Variants in TRIM37 observed in about 807,000 individuals in gnomAD.
The protein encoded by TRIM37 is E3 ubiquitin-protein ligase TRIM37.
TRIM37 carries 80 observed loss-of-function variants against 129.8 expected under a neutral mutation model. That is an observed-to-expected ratio of 0.62 (90% confidence interval 0.51 to 0.74). TRIM37 has a LOEUF of 0.74. Ranked by LOEUF, TRIM37 falls within the 30% of genes least tolerant of loss-of-function variation. The pLI is 0.00. For synonymous variants in TRIM37, 389 were observed against 387.1 expected (o/e 1.00, Z -0.06); for missense variants, 1,054 against 1,176.5 (o/e 0.90, Z 1.52).
At chr17:59,032,502 G>A (rs543190218) in intron 17 of TRIM37, among the ~76,000 whole-genome samples, 3 of 144,998 alleles carry the variant, frequency 2.1e-5, no homozygotes, top group East Asian at 2.0e-4. Context: ...TCCGCAGTCC[G>A]GCCTGGGCGA....
chr17:59,047,613 T>C (rs1328122524), intron 16 of TRIM37, 70 bp downstream of exon 16: 25 of 1,474,576 alleles, frequency 1.7e-5, no homozygotes, highest in Non-Finnish European at 2.1e-5. Flanking sequence ...TACATTTAAG[T>C]GTGAGTTAGT....
intron 19 of TRIM37, among the ~76,000 whole-genome samples, chr17:59,019,488 G>A (rs964344579): frequency 3.3e-5 from 5 of 151,948 alleles, no homozygotes; most frequent in East Asian, 1.9e-4. Context: ...GGTGGGTGGC[G>A]CATGAGGTCA....
At chr17:59,041,579 G>A (rs2039157094) in intron 17 of TRIM37, among the ~76,000 whole-genome samples, 1 of 152,076 alleles carries the variant, frequency 6.6e-6, no homozygotes, top group Non-Finnish European at 1.5e-5. Flanking sequence ...ATTAATATAA[G>A]GTACTTAAAG....
intron 2 of TRIM37, among the ~76,000 whole-genome samples, chr17:59,092,612 A>G (rs1168854120): frequency 6.6e-6 from 1 of 152,120 alleles, no homozygotes; most frequent in Non-Finnish European, 1.5e-5. Context: ...AGGAAACAAC[A>G]GGTTTATAAT....
At chr17:59,006,672 C>T (rs1426011998) in intron 22 of TRIM37, among the ~76,000 whole-genome samples, 4 of 151,988 alleles carry the variant, frequency 2.6e-5, no homozygotes, top group East Asian at 3.9e-4. Flanking sequence ...GCAGATTGCC[C>T]GAGGTCAGGA....
chr17:59,079,670 G>C, intron 7 of TRIM37, 84 bp downstream of exon 7: 8 of 1,547,750 alleles, frequency 5.2e-6, no homozygotes, highest in Non-Finnish European at 7.1e-6. Context: ...TTCCTTCCTA[G>C]GATGATCACC....
chr17:59,084,550 G>A (rs898868958), intron 4 of TRIM37, among the ~76,000 whole-genome samples: 4 of 152,132 alleles, frequency 2.6e-5, no homozygotes, highest in Admixed American at 2.0e-4. Flanking sequence ...CATGGAAAAT[G>A]AACAACTCAA....
intron 16 of TRIM37, among the ~76,000 whole-genome samples, chr17:59,046,170 A>G (rs1473387483): frequency 6.6e-6 from 1 of 152,216 alleles, no homozygotes; most frequent in Non-Finnish European, 1.5e-5. Flanking sequence ...AACCTTTTTC[A>G]GGCAACACTC....
intron 2 of TRIM37, among the ~76,000 whole-genome samples, chr17:59,095,699 A>G (rs1362343009): frequency 2.0e-5 from 3 of 152,146 alleles, no homozygotes; most frequent in African/African-American, 7.2e-5. Context: ...TATACATACA[A>G]AAACATGCTA....
At chr17:59,052,680 C>T (rs1363884193) in intron 13 of TRIM37, among the ~76,000 whole-genome samples, 1 of 152,016 alleles carries the variant, frequency 6.6e-6, no homozygotes, top group Admixed American at 6.6e-5. Flanking sequence ...ATTGGCCGGG[C>T]ACAGTGGCTC....
At chr17:59,021,158 G>A (rs1016874416) in intron 19 of TRIM37, among the ~76,000 whole-genome samples, 6 of 152,148 alleles carry the variant, frequency 3.9e-5, no homozygotes, top group Non-Finnish European at 7.3e-5. Context: ...TTGTAAGCCC[G>A]ACTCAAGTGG....
chr17:58,978,542 C>T (rs2031165497), downstream of TRIM37, among the ~76,000 whole-genome samples: 1 of 152,090 alleles, frequency 6.6e-6, no homozygotes, highest in Admixed American at 6.5e-5. Flanking sequence ...GAAACCCCGT[C>T]TCTAATAAAA....
chr17:59,099,026 T>C (rs142572798), intron 2 of TRIM37, among the ~76,000 whole-genome samples: 4 of 151,982 alleles, frequency 2.6e-5, no homozygotes, highest in African/African-American at 9.6e-5. Flanking sequence ...CTACTAAAAA[T>C]ACAAAAATTA....
At chr17:59,002,305 G>A (rs1475872395) in intron 22 of TRIM37, among the ~76,000 whole-genome samples, 1 of 152,080 alleles carries the variant, frequency 6.6e-6, no homozygotes, top group Non-Finnish European at 1.5e-5. Context: ...CCTGATCATA[G>A]CTCACTGCAG....
intron 2 of TRIM37, 92 bp from the exon 3 acceptor site, chr17:59,091,432 A>C (rs2044296733): frequency 8.3e-6 from 2 of 241,756 alleles, no homozygotes; most frequent in Non-Finnish European, 1.5e-5. Context: ...TAATATATAT[A>C]ATATTCTTAA....
rs143120161 is a variant in TRIM37 at position 59,101,096 on chromosome 17, G to C, written c.123+3197C>G. ...AATATGTGTAGTTTACTGCATGTCA[G>C]TTATACCTAATAAAAAATGACTGGC... is the stretch of plus-strand genomic sequence containing the variant. On this transcript the variant is annotated intron_variant, in intron 2 of 23. Coordinates refer to ENST00000262294, the MANE Select transcript of TRIM37 (RefSeq NM_015294.6). Among the ~76,000 whole-genome samples the C allele has an allele frequency of 8.2e-4, 124 of 151,606 alleles. 2 individuals carry two copies. Among genetic ancestry groups the C allele is most frequent in the Admixed American group, 7.4e-3 (113 of 15,222 alleles).
At chr17:59,077,083 C>T (rs150503510) in intron 7 of TRIM37, among the ~76,000 whole-genome samples, 3 of 151,742 alleles carry the variant, frequency 2.0e-5, no homozygotes, top group Admixed American at 6.6e-5. Flanking sequence ...CCAAGGCGCC[C>T]GGCCTTTATT....
At chr17:59,089,512 G>A (rs955134852) in intron 3 of TRIM37, among the ~76,000 whole-genome samples, 4 of 151,962 alleles carry the variant, frequency 2.6e-5, no homozygotes, top group African/African-American at 9.7e-5. Context: ...GTGGTGGCAC[G>A]TGCCTGTAAT....
chr17:59,042,224 A>C (rs2039243127), intron 16 of TRIM37, among the ~76,000 whole-genome samples: 2 of 151,048 alleles, frequency 1.3e-5, no homozygotes, highest in Non-Finnish European at 1.5e-5. Flanking sequence ...AAAATACAAA[A>C]AATTAGCTGG....
Sources: allele counts gnomAD v4.1 joint callset (sites outside exome capture counted in the v4.1 genomes callset), GRCh38; gene constraint gnomAD v4.1.1; transcripts MANE v1.5; gene names NCBI Gene and HGNC (gene_info 2026-07-23, HGNC 2026-07-21).